The following TRAPPC9 variants were observed in gnomAD, a reference collection of about 807,000 sequenced individuals.
TRAPPC9 encodes IKK2 binding protein.
A neutral mutation model predicts 124.0 loss-of-function variants in TRAPPC9; 83 were observed. That is an observed-to-expected ratio of 0.67 (90% CI 0.56 to 0.80). The LOEUF is 0.80. Ranked by LOEUF, TRAPPC9 falls within the 30% of genes least tolerant of loss-of-function variation. The pLI is 0.00. For missense variants in TRAPPC9, 1,302 were observed against 1,508.3 expected, an observed-to-expected ratio of 0.86 and a Z score of 2.27; for synonymous variants, 638 against 617.5, an observed-to-expected ratio of 1.03 and a Z score of -0.49.
chr8:140,297,129 G>A (rs1051673380), intron 11 of TRAPPC9, among the ~76,000 whole-genome samples: 3 of 152,140 alleles, frequency 2.0e-5, no homozygotes, highest in Non-Finnish European at 4.4e-5. Flanking sequence ...CGCAACACAC[G>A]CTGGAGCACA....
At position 140,196,698 on chromosome 8, in the gene TRAPPC9, C is replaced by T. The variant is rs138882843; in HGVS notation, c.2556+24761G>A. On this transcript the variant is annotated intron_variant, in intron 17 of 22. Transcript: ENST00000438773. Reference sequence around the variant, plus strand: ...TCAACAATCCACTGTACAGATCACACGTGTGACACAAACACACAACGATCC... The same window carrying T: ...TCAACAATCCACTGTACAGATCACATGTGTGACACAAACACACAACGATCC... 8.6e-4 allele frequency among the ~76,000 whole-genome samples: 131 copies of T among 151,576 alleles called. 1 individual carries two copies. Among genetic ancestry groups the T allele is most frequent in the African/African-American group, 2.6e-3 (106 of 41,144 alleles).
rs2064154734 is a variant in TRAPPC9 at position 140,252,556 on chromosome 8, AGAGT to A, written c.2431+217_2431+220del. ...CTGGTAAATGAGTACAAAATAATAA[AGAGT>A]GAGAATTAAATCATTTAGATAAAAA... On this transcript the variant is annotated intron_variant, in intron 16 of 22. Transcript: ENST00000438773. The surrounding 1 kb of genome is among the most constrained non-coding windows in gnomAD (Gnocchi z 4.2). 10 of 555,996 alleles carry A rather than the reference AGAGT, an allele frequency of 1.8e-5. No individual in the cohort carries two copies. The highest frequency in any genetic ancestry group is 3.2e-5 in the Non-Finnish European group (10 of 313,990). 34.4% of individuals were successfully genotyped at this position (555,996 alleles called of 1,614,324 possible). A position where few individuals can be genotyped will look rare whatever the true frequency, so the allele number is the denominator to read the frequency against.
At position 140,104,266 on chromosome 8, in the gene TRAPPC9, G is replaced by C. The variant is rs2060627436; in HGVS notation, c.2557-80187C>G. ...AGCCAGATGAAAGACCTCTGCAACA[G>C]CCTGAACGGAACCAGGAGGGCTCCC... On this transcript the variant is annotated intron_variant, in intron 17 of 22. Transcript: ENST00000438773. The surrounding 1 kb of genome is among the most constrained non-coding windows in gnomAD (Gnocchi z 4.0). Among the ~76,000 whole-genome samples, 1 of 152,182 alleles carries C rather than the reference G, an allele frequency of 6.6e-6. No homozygotes were observed. The highest frequency in any genetic ancestry group is 2.1e-4 in the South Asian group (1 of 4,820).
rs114452497 is a variant in TRAPPC9 at position 140,079,277 on chromosome 8, G to T, written c.2557-55198C>A. ...GGGTATGTCTTTATTAGCAGAGTGA[G>T]AACAGACTAATACAGATGGCCAGAA... On this transcript the variant is annotated intron_variant, in intron 17 of 22. Transcript: ENST00000438773. Among the ~76,000 whole-genome samples, 1,170 of 152,258 alleles carry T rather than the reference G, an allele frequency of 7.7e-3. 14 individuals are homozygous for T. Among genetic ancestry groups the T allele is most frequent in the African/African-American group, 0.026 (1,084 of 41,550 alleles).
chr8:139,806,792 C>T (rs7836476), intron 21 of TRAPPC9, among the ~76,000 whole-genome samples: 74,167 of 152,192 alleles, frequency 0.49, 18,491 homozygotes, highest in Non-Finnish European at 0.52. Context: ...ATCAAAGCTG[C>T]ACCCTTTCCT....
chr8:140,363,810 C>T (rs891063674), intron 8 of TRAPPC9, among the ~76,000 whole-genome samples: 2 of 152,020 alleles, frequency 1.3e-5, no homozygotes, highest in African/African-American at 4.8e-5. Context: ...ATTGGCCAGG[C>T]TGGTCTCGAA....
intron 7 of TRAPPC9, 72 bp downstream of exon 7, chr8:140,397,548 G>A: frequency 6.3e-7 from 1 of 1,581,382 alleles, no homozygotes; most frequent in Non-Finnish European, 8.7e-7. Context: ...AACGAAATAA[G>A]CTGAATTCAT....
intron 19 of TRAPPC9, among the ~76,000 whole-genome samples, chr8:139,928,108 T>C (rs1383310731): frequency 6.6e-6 from 1 of 152,222 alleles, no homozygotes; most frequent in African/African-American, 2.4e-5. Flanking sequence ...TCTATAAAGT[T>C]GTACCAAAAG....
At chr8:140,069,222 TCA>T (rs1843018500) in intron 17 of TRAPPC9, among the ~76,000 whole-genome samples, 1 of 152,206 alleles carries the variant, frequency 6.6e-6, no homozygotes, top group African/African-American at 2.4e-5. Flanking sequence ...TGCTATTCTC[TCA>T]CCACTGAGTG....
At chr8:140,289,174 AGTGTG>A (rs1445598300) in intron 12 of TRAPPC9, among the ~76,000 whole-genome samples, 23 of 148,426 alleles carry the variant, frequency 1.5e-4, no homozygotes, top group African/African-American at 5.5e-4. Flanking sequence ...ATATATATAT[AGTGTG>A]TGTGTGTGTG....
At chr8:140,117,711 T>C (rs1290991295) in intron 17 of TRAPPC9, among the ~76,000 whole-genome samples, 3 of 152,252 alleles carry the variant, frequency 2.0e-5, no homozygotes, top group African/African-American at 7.2e-5. Context: ...CAGCTTTTAT[T>C]TAGTGCTGAG....
At chr8:140,428,831 G>A (rs78490865) in intron 4 of TRAPPC9, among the ~76,000 whole-genome samples, 149 of 152,284 alleles carry the variant, frequency 9.8e-4, no homozygotes, top group African/African-American at 3.5e-3. Context: ...GTTACAGGGA[G>A]AAACCTGCTG....
At chr8:140,343,861 A>C (rs773418070) in intron 9 of TRAPPC9, among the ~76,000 whole-genome samples, 13 of 152,182 alleles carry the variant, frequency 8.5e-5, no homozygotes, top group Non-Finnish European at 1.9e-4. Context: ...ACTAAGTCTT[A>C]CTTGCACAAA....
At chr8:140,344,423 G>A (rs79201852) in intron 9 of TRAPPC9, among the ~76,000 whole-genome samples, 87 of 152,320 alleles carry the variant, frequency 5.7e-4, no homozygotes, top group African/African-American at 2.0e-3. Flanking sequence ...CCTGCTGCAC[G>A]GGGAGTCAAC....
intron 17 of TRAPPC9, among the ~76,000 whole-genome samples, chr8:140,195,602 AAC>A (rs1309361131): frequency 1.3e-5 from 2 of 150,706 alleles, no homozygotes; most frequent in African/African-American, 4.9e-5. Flanking sequence ...GTGACACTAA[AAC>A]ACTCAGCAAT....
At chr8:140,169,936 C>A (rs2061933064) in intron 17 of TRAPPC9, among the ~76,000 whole-genome samples, 1 of 152,052 alleles carries the variant, frequency 6.6e-6, no homozygotes, top group Admixed American at 6.5e-5. Flanking sequence ...CGGGGTTTCA[C>A]CATGTTGCCT....
intron 2 of TRAPPC9, among the ~76,000 whole-genome samples, chr8:140,447,078 A>C (rs952599643): frequency 2.0e-5 from 3 of 152,242 alleles, no homozygotes; most frequent in African/African-American, 4.8e-5. Context: ...ATGGCGCTGC[A>C]GCCTGGGACT....
intron 5 of TRAPPC9, among the ~76,000 whole-genome samples, chr8:140,406,331 C>T (rs2069486154): frequency 6.6e-6 from 1 of 152,134 alleles, no homozygotes; most frequent in Admixed American, 6.5e-5. Flanking sequence ...TCACAGAACA[C>T]TCAAAAAATA....
At chr8:139,754,968 G>A (rs1332441210) in intron 21 of TRAPPC9, among the ~76,000 whole-genome samples, 4 of 152,244 alleles carry the variant, frequency 2.6e-5, no homozygotes, top group South Asian at 2.1e-4. Context: ...TGCGGCACAC[G>A]GAGCTGTCAC....
Sources: gnomAD v4.1 joint callset for allele counts (sites outside exome capture counted in the v4.1 genomes callset) on GRCh38, gnomAD v4.1.1 for gene constraint, Gnocchi (gnomAD v3.1) non-coding constraint, MANE v1.5 for transcripts, NCBI Gene and HGNC (gene_info 2026-07-23, HGNC 2026-07-21) for gene names.